The following CHRNA7 variants were observed in gnomAD, a reference collection of about 807,000 sequenced individuals.
CHRNA7 encodes the protein neuronal acetylcholine receptor subunit alpha-7.
A neutral mutation model predicts 48.0 loss-of-function variants in CHRNA7; 17 were observed. The observed-to-expected ratio is 0.35, with a 90% confidence interval of 0.24 to 0.53. The LOEUF (loss-of-function observed/expected upper bound fraction) is 0.53, where lower values mean the gene tolerates loss of function less well. Among genes scored for constraint, CHRNA7 ranks in the 20% least tolerant of loss-of-function variants. The pLI is 0.92. For missense variants in CHRNA7, 155 were observed against 577.7 expected (o/e 0.27, Z 7.50); for synonymous variants, 75 against 242.3 (o/e 0.31, Z 6.41).
intron 4 of CHRNA7, among the ~76,000 whole-genome samples, chr15:32,125,265 C>T (rs1264922470): frequency 6.6e-6 from 1 of 152,246 alleles, no homozygotes; most frequent in Non-Finnish European, 1.5e-5. Flanking sequence ...CATTTACACT[C>T]ATGATGATAA....
chr15:32,166,605 A>AAAGATAGG (rs1354874647), intron 9 of CHRNA7: 18 of 151,896 alleles, frequency 1.2e-4, no homozygotes, highest in Admixed American at 4.6e-4. Context: ...TTTATTTCCT[A>AAAGATAGG]AAGATAGGAA....
chr15:32,094,358 A>G (rs2050431988), intron 2 of CHRNA7, among the ~76,000 whole-genome samples: 2 of 152,254 alleles, frequency 1.3e-5, no homozygotes, highest in African/African-American at 2.4e-5. Context: ...CTTAATTTTC[A>G]GTGGGAACCA....
At chr15:32,151,019 C>T (rs1566877411) in intron 4 of CHRNA7, among the ~76,000 whole-genome samples, 1 of 152,040 alleles carries the variant, frequency 6.6e-6, no homozygotes, top group Non-Finnish European at 1.5e-5. Context: ...CTCAGTCTCC[C>T]CCTTTTTCCC....
chr15:32,094,463 T>G (rs1159745556), intron 2 of CHRNA7, among the ~76,000 whole-genome samples: 2 of 152,136 alleles, frequency 1.3e-5, no homozygotes, highest in Non-Finnish European at 2.9e-5. Context: ...AACAAATTAT[T>G]ACACAGTTAA....
At chr15:32,124,884 CAAG>C (rs1566857380) in intron 4 of CHRNA7, among the ~76,000 whole-genome samples, 2 of 152,116 alleles carry the variant, frequency 1.3e-5, no homozygotes, top group East Asian at 1.9e-4. Flanking sequence ...TCTGAGGACA[CAAG>C]GAGGAGATGT....
intron 2 of CHRNA7, among the ~76,000 whole-genome samples, chr15:32,085,464 CT>C (rs2050280953): frequency 6.6e-6 from 1 of 152,136 alleles, no homozygotes; most frequent in African/African-American, 2.4e-5. Context: ...CACATTTTAA[CT>C]TTTTTATTTA....
intron 3 of CHRNA7, among the ~76,000 whole-genome samples, chr15:32,105,358 G>C (rs2050646493): frequency 6.6e-6 from 1 of 151,728 alleles, no homozygotes; most frequent in South Asian, 2.1e-4. Context: ...AAGGAAAAGA[G>C]GAGGAGAAGG....
chr15:32,126,484 T>C (rs1196852498), intron 4 of CHRNA7, among the ~76,000 whole-genome samples: 1 of 152,220 alleles, frequency 6.6e-6, no homozygotes, highest in Non-Finnish European at 1.5e-5. Flanking sequence ...AGCCTTCGTA[T>C]TTCAAAAGAA....
intron 4 of CHRNA7, among the ~76,000 whole-genome samples, chr15:32,150,928 T>C (rs1291928577): frequency 4.6e-5 from 7 of 151,394 alleles, no homozygotes; most frequent in Non-Finnish European, 8.9e-5. Context: ...TCTCTTTCCC[T>C]ATGTGTTTTT....
intron 4 of CHRNA7, among the ~76,000 whole-genome samples, chr15:32,151,458 T>C (rs866216334): frequency 4.3e-4 from 66 of 152,266 alleles, no homozygotes; most frequent in Middle Eastern, 6.8e-3. Flanking sequence ...AAAACCCCTT[T>C]TTTTTTGCCT....
intron 2 of CHRNA7, among the ~76,000 whole-genome samples, chr15:32,043,345 A>T (rs1409452954): frequency 6.6e-6 from 1 of 152,114 alleles, no homozygotes; most frequent in African/African-American, 2.4e-5. Context: ...TATTTTAGTT[A>T]TCCTTCATGT....
chr15:32,085,333 C>G (rs918592259), intron 2 of CHRNA7, among the ~76,000 whole-genome samples: 4 of 152,148 alleles, frequency 2.6e-5, no homozygotes, highest in African/African-American at 9.7e-5. Context: ...ATTAGAGTGC[C>G]TGACATTGTG....
intron 4 of CHRNA7, among the ~76,000 whole-genome samples, chr15:32,123,450 G>A (rs2051008968): frequency 6.6e-6 from 1 of 152,228 alleles, no homozygotes; most frequent in Non-Finnish European, 1.5e-5. Context: ...CTGAGAAACA[G>A]TGTAAGTATG....
chr15:32,045,380 T>C (rs1285188516), intron 2 of CHRNA7, among the ~76,000 whole-genome samples: 1 of 152,152 alleles, frequency 6.6e-6, no homozygotes, highest in African/African-American at 2.4e-5. Context: ...AGCCACCCCA[T>C]GGGTACCAGC....
rs2051562721 is a variant in CHRNA7 at position 32,149,168 on chromosome 15, C to T, written c.351-4739C>T. 6.6e-6 allele frequency among the ~76,000 whole-genome samples: 1 copy of T among 152,214 alleles called. No homozygotes were observed. The highest frequency in any genetic ancestry group is 6.5e-5 in the Admixed American group (1 of 15,284). The stretch of plus-strand genomic sequence containing the variant: ...ACAAACTGTGGATGTACTGTGTCTT[C>T]CAGTAGTCAAAATAAAGAATATATT... On this transcript the variant is annotated intron_variant, in intron 4 of 9. Coordinates refer to ENST00000306901, the MANE Select transcript of CHRNA7 (RefSeq NM_000746.6). This position sits in a 1 kb window ranked among gnomAD's most constrained non-coding sequence, Gnocchi z 4.6.
intron 4 of CHRNA7, among the ~76,000 whole-genome samples, chr15:32,139,567 G>A (rs1248387552): frequency 4.1e-5 from 6 of 147,468 alleles, no homozygotes; most frequent in Non-Finnish European, 8.9e-5. Flanking sequence ...TAATAGATGC[G>A]TAGTGGTGTC....
intron 2 of CHRNA7, among the ~76,000 whole-genome samples, chr15:32,085,422 TA>T (rs149723349): frequency 1.3e-5 from 2 of 152,346 alleles, no homozygotes; most frequent in East Asian, 3.9e-4. Flanking sequence ...CTTAGCACCA[TA>T]TTCCATTCAT....
At chr15:32,043,250 T>TA (rs5811676) in intron 2 of CHRNA7, among the ~76,000 whole-genome samples, 149,657 of 152,208 alleles carry the variant, frequency 0.98, 73,626 homozygotes, top group Non-Finnish European at 1. Context: ...AAAACCATTT[T>TA]AAAAATGTGT....
intron 2 of CHRNA7, among the ~76,000 whole-genome samples, chr15:32,097,490 C>T (rs1214165029): frequency 2.0e-5 from 3 of 152,118 alleles, no homozygotes; most frequent in Non-Finnish European, 1.5e-5. Flanking sequence ...AGGTGGCTGC[C>T]TATGATCCGG....
Sources: allele counts gnomAD v4.1 joint callset (sites outside exome capture counted in the v4.1 genomes callset), GRCh38; gene constraint gnomAD v4.1.1; non-coding constraint Gnocchi (gnomAD v3.1); transcripts MANE v1.5; gene names NCBI Gene and HGNC (gene_info 2026-07-23, HGNC 2026-07-21).